The following SH2D4B variants were observed in gnomAD, a reference collection of about 807,000 sequenced individuals.
SH2D4B encodes SH2 domain-containing protein 4B.
SH2D4B carries 45 observed loss-of-function variants against 61.5 expected under a neutral mutation model. The ratio of observed to expected loss-of-function variants is 0.73; its 90% CI spans 0.58 to 0.94. The LOEUF (loss-of-function observed/expected upper bound fraction) is 0.94, where lower values mean the gene tolerates loss of function less well. Among genes scored for constraint, SH2D4B ranks in the 40% least tolerant of loss-of-function variants. The probability of loss-of-function intolerance (pLI) is 0.00; values close to 1 mark genes in which losing one functional copy is unlikely to be tolerated. For synonymous variants in SH2D4B, 224 were observed against 220.4 expected (o/e 1.02, Z -0.14); for missense variants, 572 against 574.2 (o/e 1.00, Z 0.04).
intron 4 of SH2D4B, among the ~76,000 whole-genome samples, chr10:80,600,082 C>G (rs1476422244): frequency 6.6e-6 from 1 of 152,190 alleles, no homozygotes; most frequent in Non-Finnish European, 1.5e-5. Context: ...CCGCCATGTA[C>G]TGTCCCATTT....
At position 80,578,044 on chromosome 10, in the gene SH2D4B, C is replaced by T. The variant is rs141054491; in HGVS notation, c.495+6466C>T. 2.0e-3 allele frequency among the ~76,000 whole-genome samples: 307 copies of T among 151,926 alleles called. 2 individuals carry two copies. Among genetic ancestry groups the T allele is most frequent in the African/African-American group, 7.0e-3 (289 of 41,428 alleles). On this transcript the variant is annotated intron_variant, in intron 3 of 7. Coordinates refer to ENST00000646907, the MANE Select transcript of SH2D4B (RefSeq NM_001388272.1). ...AGAGTGCAGTGGCACAATCTCAGCT[C>T]ACTGCAACCTCCGTCTCTTGGACTC...
chr10:80,629,416 G>A (rs1388156419), intron 6 of SH2D4B, among the ~76,000 whole-genome samples: 1 of 152,194 alleles, frequency 6.6e-6, no homozygotes, highest in African/African-American at 2.4e-5. Flanking sequence ...ATGAGATTTA[G>A]AGGGGACACA....
chr10:80,548,093 C>A (rs1480264821), intron 1 of SH2D4B, among the ~76,000 whole-genome samples: 4 of 152,168 alleles, frequency 2.6e-5, no homozygotes, highest in Non-Finnish European at 4.4e-5. Context: ...TGACACTCTT[C>A]CAGACTTCCC....
intron 3 of SH2D4B, among the ~76,000 whole-genome samples, chr10:80,573,023 G>T (rs1223155850): frequency 8.0e-5 from 5 of 62,432 alleles, no homozygotes; most frequent in African/African-American, 3.0e-4. Context: ...TTTTGAGACG[G>T]AGTCTCCCTC....
intron 4 of SH2D4B, among the ~76,000 whole-genome samples, chr10:80,595,544 AC>A (rs1437239912): frequency 5.3e-5 from 8 of 152,138 alleles, no homozygotes; most frequent in Non-Finnish European, 1.2e-4. Flanking sequence ...TATTTTCAAC[AC>A]TATTGCCCTG....
rs1222641985 is a variant in SH2D4B at position 80,603,545 on chromosome 10, G to T, written c.644-34G>T. ...GGCGCAGTGCACCGCCTGGGCTGCG[G>T]ATCTGGGCTAACGTGCTGTCTTCCT... On this transcript the variant is annotated intron_variant, in intron 4 of 7. Coordinates refer to ENST00000646907, the MANE Select transcript of SH2D4B (RefSeq NM_001388272.1). 16 of 1,499,638 alleles carry T rather than the reference G, an allele frequency of 1.1e-5. No homozygotes were observed. The Admixed American group carries it at 1.7e-4, about 16-fold the overall frequency. 92.9% of individuals were successfully genotyped at this position (1,499,638 alleles called of 1,614,324 possible). A position where few individuals can be genotyped will look rare whatever the true frequency, so the allele number is the denominator to read the frequency against.
intron 1 of SH2D4B, among the ~76,000 whole-genome samples, chr10:80,568,015 A>G (rs1841992791): frequency 6.6e-6 from 1 of 151,850 alleles, no homozygotes; most frequent in Admixed American, 6.6e-5. Flanking sequence ...TTGTCCCTTC[A>G]TCTCTGTGCC....
At chr10:80,612,855 A>G (rs1048094390) in intron 6 of SH2D4B, among the ~76,000 whole-genome samples, 8 of 152,202 alleles carry the variant, frequency 5.3e-5, no homozygotes, top group Non-Finnish European at 7.3e-5. Flanking sequence ...CCAAACAGCA[A>G]ATAGACAAAG....
intron 1 of SH2D4B, among the ~76,000 whole-genome samples, chr10:80,549,241 G>GTA (rs1841725914): frequency 2.0e-5 from 3 of 151,858 alleles, no homozygotes; most frequent in African/African-American, 7.3e-5. Context: ...GTGTGTGTGT[G>GTA]TGTGAGTTTG....
chr10:80,565,827 A>T (rs898897661), intron 1 of SH2D4B, among the ~76,000 whole-genome samples: 30 of 152,086 alleles, frequency 2.0e-4, no homozygotes, highest in Non-Finnish European at 4.0e-4. Context: ...GTGGTGGCTC[A>T]CGCCTGTAAT....
chr10:80,544,434 C>T (rs1203524683), intron 1 of SH2D4B, among the ~76,000 whole-genome samples: 1 of 152,228 alleles, frequency 6.6e-6, no homozygotes, highest in Non-Finnish European at 1.5e-5. Flanking sequence ...GTCAGTGAGA[C>T]CAAGAACCCA....
intron 6 of SH2D4B, among the ~76,000 whole-genome samples, chr10:80,614,012 C>T (rs1842631900): frequency 6.6e-6 from 1 of 152,112 alleles, no homozygotes; most frequent in East Asian, 1.9e-4. Context: ...GAATGTTTAT[C>T]TTGGAAAGGA....
chr10:80,560,485 A>AAGCCATCCTCCAGCCTC (rs1332732037), intron 1 of SH2D4B, among the ~76,000 whole-genome samples: 1 of 151,424 alleles, frequency 6.6e-6, no homozygotes, highest in African/African-American at 2.4e-5. Context: ...CCTCCAGCCT[A>AAGCCATCCTCCAGCCTC]AGCCATCCTC....
rs570975109 is a variant in SH2D4B, at chr10:80,597,576, G to T, written c.644-6003G>T. ...AGCTACTTGGGAGGCTGAGGCAGGA[G>T]AATCTCTTGAACCCGGGAGGTGGAG... On this transcript the variant is annotated intron_variant, in intron 4 of 7. Transcript: ENST00000646907. Among the ~76,000 whole-genome samples the T allele has an allele frequency of 3.9e-5, 6 of 152,320 alleles. No homozygotes were observed. In the East Asian group the frequency reaches 1.2e-3, roughly 29 times the overall value.
chr10:80,600,204 C>T (rs1842435365), intron 4 of SH2D4B, among the ~76,000 whole-genome samples: 1 of 152,216 alleles, frequency 6.6e-6, no homozygotes, highest in Non-Finnish European at 1.5e-5. Context: ...AACACATGCA[C>T]TTTCACATAC....
At chr10:80,550,415 A>T (rs930902536) in intron 1 of SH2D4B, among the ~76,000 whole-genome samples, 1 of 152,114 alleles carries the variant, frequency 6.6e-6, no homozygotes, top group African/African-American at 2.4e-5. Flanking sequence ...AACATGGTGA[A>T]ACCCCATCTC....
In SH2D4B at chr10:80,539,863, G is replaced by C. The variant is rs1841555287; in HGVS notation, c.184+1348G>C. Reference sequence around the variant, plus strand: ...GCAGGACCCTGCCGGGGAGGTTGGGGCAGAGCTGTGACTTGGCTGCAGGTG... The same window carrying C: ...GCAGGACCCTGCCGGGGAGGTTGGGCCAGAGCTGTGACTTGGCTGCAGGTG... On this transcript the variant is annotated intron_variant, in intron 1 of 7. Transcript: ENST00000646907. The surrounding 1 kb of genome is among the most constrained non-coding windows in gnomAD (Gnocchi z 4.9). Among the ~76,000 whole-genome samples, 1 of 152,142 alleles carries C rather than the reference G, an allele frequency of 6.6e-6. No individual in the cohort carries two copies. The highest frequency in any genetic ancestry group is 6.5e-5 in the Admixed American group (1 of 15,276).
intron 1 of SH2D4B, chr10:80,540,759 G>A: frequency 1.4e-6 from 2 of 1,464,510 alleles, no homozygotes; most frequent in Non-Finnish European, 1.8e-6. Flanking sequence ...CCTGGAGACG[G>A]TGGGTAGATG....
At chr10:80,554,837 G>C (rs912487979) in intron 1 of SH2D4B, among the ~76,000 whole-genome samples, 1 of 151,808 alleles carries the variant, frequency 6.6e-6, no homozygotes, top group Non-Finnish European at 1.5e-5. Flanking sequence ...GTGAAACCCC[G>C]TCTCTACTAA....
Sources: allele counts gnomAD v4.1 joint callset (sites outside exome capture counted in the v4.1 genomes callset), GRCh38; gene constraint gnomAD v4.1.1; non-coding constraint Gnocchi (gnomAD v3.1); transcripts MANE v1.5; gene names NCBI Gene and HGNC (gene_info 2026-07-23, HGNC 2026-07-21).